ADAM2: variants seen among roughly 807,000 people sequenced by gnomAD.
ADAM2 encodes ADAM metallopeptidase domain 2, also known as disintegrin and metalloproteinase domain-containing protein 2.
ADAM2 carries 101 observed loss-of-function variants against 99.3 expected under a neutral mutation model. The ratio of observed to expected loss-of-function variants is 1.02; its 90% CI spans 0.87 to 1.20. ADAM2 has a LOEUF of 1.20. Ranked by LOEUF, ADAM2 falls within the 50% of genes most tolerant of loss-of-function variation. The pLI, the probability that ADAM2 is intolerant of heterozygous loss-of-function variation, is 0.00. For synonymous variants in ADAM2, 323 were observed against 287.6 expected (o/e 1.12, Z -1.25); for missense variants, 948 against 878.7 (o/e 1.08, Z -1.00).
intron 6 of ADAM2, among the ~76,000 whole-genome samples, 199 bp downstream of exon 6, chr8:39,820,803 T>A (rs1805143828): frequency 6.6e-6 from 1 of 152,146 alleles, no homozygotes; most frequent in Non-Finnish European, 1.5e-5. Context: ...AATGTCATGA[T>A]TGGAGTTCTG....
chr8:39,811,851 C>T (rs924117937), intron 6 of ADAM2, among the ~76,000 whole-genome samples: 2 of 152,140 alleles, frequency 1.3e-5, no homozygotes, highest in African/African-American at 4.8e-5. Flanking sequence ...GGAAGCATTC[C>T]CTTTGAAAAC....
chr8:39,749,591 G>GTT (rs1434175027), intron 17 of ADAM2, 76 bp downstream of exon 17: 2 of 1,397,422 alleles, frequency 1.4e-6, no homozygotes, highest in Non-Finnish European at 2.0e-6. Context: ...GTGTGCGTGT[G>GTT]TGTGTGTGTA....
chr8:39,788,356 A>G, intron 8 of ADAM2, 105 bp from the exon 9 acceptor site: 1 of 666,866 alleles, frequency 1.5e-6, no homozygotes, highest in Non-Finnish European at 2.3e-6. Flanking sequence ...CAACTAAACT[A>G]TAAGTCTGCA....
intron 11 of ADAM2, among the ~76,000 whole-genome samples, chr8:39,770,801 C>T (rs1040989628): frequency 2.0e-5 from 3 of 152,168 alleles, no homozygotes; most frequent in African/African-American, 7.2e-5. Flanking sequence ...ATATTTCTCA[C>T]AAACCCCTTA....
chr8:39,750,287 T>A (rs1304039352), intron 16 of ADAM2, among the ~76,000 whole-genome samples: 1 of 152,056 alleles, frequency 6.6e-6, no homozygotes, highest in Non-Finnish European at 1.5e-5. Context: ...AATAAATATT[T>A]GAGTCCTACA....
chr8:39,773,835 G>A (rs901326936), intron 11 of ADAM2, among the ~76,000 whole-genome samples: 10 of 151,704 alleles, frequency 6.6e-5, no homozygotes, highest in African/African-American at 2.4e-4. Flanking sequence ...GTTATATGAA[G>A]CCCGTGTAAC....
At chr8:39,825,253 A>G (rs1281659978) in intron 3 of ADAM2, among the ~76,000 whole-genome samples, 3 of 152,158 alleles carry the variant, frequency 2.0e-5, no homozygotes, top group Admixed American at 6.5e-5. Flanking sequence ...TATCTTGAAA[A>G]TTTTATTTAA....
intron 2 of ADAM2, among the ~76,000 whole-genome samples, chr8:39,835,991 T>A (rs1805808206): frequency 6.6e-6 from 1 of 152,102 alleles, no homozygotes; most frequent in Admixed American, 6.5e-5. Flanking sequence ...GTGCTTTGTT[T>A]TGGTTTTGGT....
At chr8:39,812,866 C>T (rs1563374811) in intron 6 of ADAM2, among the ~76,000 whole-genome samples, 1 of 152,136 alleles carries the variant, frequency 6.6e-6, no homozygotes, top group African/African-American at 2.4e-5. Context: ...TGGGCAAGGA[C>T]TTCAGGACTA....
At chr8:39,810,886 A>G (rs975365577) in intron 6 of ADAM2, among the ~76,000 whole-genome samples, 9 of 152,218 alleles carry the variant, frequency 5.9e-5, no homozygotes, top group Non-Finnish European at 8.8e-5. Context: ...TAGAGAAGCA[A>G]GAGCAAACAC....
intron 15 of ADAM2, among the ~76,000 whole-genome samples, chr8:39,757,294 G>A (rs1277884805): frequency 1.3e-5 from 2 of 151,936 alleles, no homozygotes; most frequent in African/African-American, 4.8e-5. Context: ...ACTGTAATCT[G>A]AAACACACAT....
intron 18 of ADAM2, among the ~76,000 whole-genome samples, chr8:39,747,695 C>A (rs1823531646): frequency 6.6e-6 from 1 of 152,082 alleles, no homozygotes; most frequent in Non-Finnish European, 1.5e-5. Context: ...TTGCTTGGAC[C>A]AATGTCCTAG....
At chr8:39,816,077 C>T (rs554478746) in intron 6 of ADAM2, among the ~76,000 whole-genome samples, 3 of 152,052 alleles carry the variant, frequency 2.0e-5, no homozygotes, top group African/African-American at 7.2e-5. Flanking sequence ...GGGTGAATCA[C>T]CTGAGGTCAG....
Position 39,828,792 on chromosome 8 carries a change from A to G in ADAM2, c.189-3895T>C, listed in dbSNP as rs145097188. On this transcript the variant is annotated intron_variant, in intron 3 of 20. Coordinates refer to ENST00000265708, the MANE Select transcript of ADAM2 (RefSeq NM_001464.5). ...ATTAAAAAAGATTACATTACAGTGCAGTGAAGAAATATCATTTTTAAATTG... is the reference window on the plus strand; with the variant it reads ...ATTAAAAAAGATTACATTACAGTGCGGTGAAGAAATATCATTTTTAAATTG... 3.2e-3 allele frequency among the ~76,000 whole-genome samples: 484 copies of G among 152,062 alleles called. 3 individuals are homozygous for G. The highest frequency in any genetic ancestry group is 0.011 in the African/African-American group (472 of 41,578).
At chr8:39,745,253 T>C (rs1823399118) in intron 19 of ADAM2, among the ~76,000 whole-genome samples, 1 of 152,212 alleles carries the variant, frequency 6.6e-6, no homozygotes, top group Non-Finnish European at 1.5e-5. Flanking sequence ...TCCCTGAAGA[T>C]ATTTGATATC....
chr8:39,797,759 C>A (rs1214971595), intron 7 of ADAM2, among the ~76,000 whole-genome samples: 1 of 152,132 alleles, frequency 6.6e-6, no homozygotes, highest in Non-Finnish European at 1.5e-5. Context: ...TCCTTCACAT[C>A]CTTTGTTAGC....
At chr8:39,752,380 T>G (rs1209734933) in intron 16 of ADAM2, among the ~76,000 whole-genome samples, 1 of 152,202 alleles carries the variant, frequency 6.6e-6, no homozygotes, top group African/African-American at 2.4e-5. Flanking sequence ...AGTAAAATAC[T>G]GAAGAACACA....
chr8:39,818,734 C>T (rs766026147), intron 6 of ADAM2, among the ~76,000 whole-genome samples: 1 of 151,768 alleles, frequency 6.6e-6, no homozygotes, highest in African/African-American at 2.4e-5. Context: ...AATACAAAAC[C>T]AATATGGAAA....
chr8:39,784,073 T>C (rs1263855030), intron 10 of ADAM2, among the ~76,000 whole-genome samples: 1 of 152,200 alleles, frequency 6.6e-6, no homozygotes, highest in East Asian at 1.9e-4. Flanking sequence ...ATTGGAAGGA[T>C]ACAGACTCTA....
Sources: allele counts gnomAD v4.1 joint callset (sites outside exome capture counted in the v4.1 genomes callset), GRCh38; gene constraint gnomAD v4.1.1; transcripts MANE v1.5; gene names NCBI Gene and HGNC (gene_info 2026-07-23, HGNC 2026-07-21).